Variants in TOGARAM2 observed in about 807,000 individuals in gnomAD.
The protein encoded by TOGARAM2 is TOG array regulator of axonemal microtubules 2, also known as TOG array regulator of axonemal microtubules protein 2.
TOGARAM2 carries 85 observed loss-of-function variants against 93.3 expected under a neutral mutation model. That is an observed-to-expected ratio of 0.91 (90% CI 0.76 to 1.09). The LOEUF (loss-of-function observed/expected upper bound fraction) is 1.09, where lower values mean the gene tolerates loss of function less well. Among genes scored for constraint, TOGARAM2 ranks in the 50% least tolerant of loss-of-function variants. The pLI is 0.00. For missense variants in TOGARAM2, 1,277 were observed against 1,334.5 expected (o/e 0.96, Z 0.67); for synonymous variants, 593 against 552.8 (o/e 1.07, Z -1.02).
At chr2:29,011,313 G>A (rs1236219607) in intron 6 of TOGARAM2, 142 bp from the exon 7 acceptor site, 9 of 662,164 alleles carry the variant, frequency 1.4e-5, no homozygotes, top group Non-Finnish European at 2.3e-5. Context: ...CCTGGGCCAA[G>A]AGCCTCTGCA....
chr2:29,033,987 G>A (rs765150877), intron 16 of TOGARAM2, among the ~76,000 whole-genome samples: 7 of 152,130 alleles, frequency 4.6e-5, no homozygotes, highest in South Asian at 4.1e-4. Context: ...CTGGGAGGAG[G>A]GGGTGTGGGG....
At chr2:28,968,935 GC>G (rs1671907697) in intron 1 of TOGARAM2, among the ~76,000 whole-genome samples, 1 of 151,706 alleles carries the variant, frequency 6.6e-6, no homozygotes, top group Non-Finnish European at 1.5e-5. Context: ...CATTGCCTCT[GC>G]TGTGATCGCT....
chr2:28,975,354 A>G (rs1331874868), intron 1 of TOGARAM2, among the ~76,000 whole-genome samples: 1 of 151,432 alleles, frequency 6.6e-6, no homozygotes, highest in African/African-American at 2.4e-5. Context: ...ACGCCCGGCT[A>G]TGTTTTTGTG....
chr2:28,968,930 C>A (rs1181751077), intron 1 of TOGARAM2, among the ~76,000 whole-genome samples: 4 of 151,798 alleles, frequency 2.6e-5, no homozygotes, highest in Non-Finnish European at 4.4e-5. Flanking sequence ...AGAGCCATTG[C>A]CTCTGCTGTG....
rs543434094 is a variant in TOGARAM2, at chr2:29,003,552, G to A, written c.700G>A (p.Ala234Thr). Residue 234 changes from alanine to threonine, a missense_variant, in exon 6 of 20, where the codon GCC (alanine) becomes ACC (threonine). Physicochemically the swap from Ala to Thr is moderately conservative, Grantham distance 58. Coordinates refer to ENST00000379558, the MANE Select transcript of TOGARAM2 (RefSeq NM_199280.4). ...TGAGAAGATGCAGAAGTCCCTGGGC[G>A]CCATCGTGATCCCACCCATCCCAAA... Reference protein sequence around the residue: ...NDEKMQKSLGAIVIPPIPKAR... With the variant: ...NDEKMQKSLGTIVIPPIPKAR... The A allele has an allele frequency of 1.9e-5, 31 of 1,593,262 alleles. No homozygotes were observed. The highest frequency in any genetic ancestry group is 3.4e-5 in the South Asian group (3 of 87,444).
intron 1 of TOGARAM2, among the ~76,000 whole-genome samples, chr2:28,973,925 A>C (rs1671990147): frequency 6.6e-6 from 1 of 152,058 alleles, no homozygotes; most frequent in Non-Finnish European, 1.5e-5. Context: ...ATTTTTGAAA[A>C]ATGTAGAATC....
intron 1 of TOGARAM2, among the ~76,000 whole-genome samples, chr2:28,983,179 T>TATATAA (rs1242920526): frequency 0.02 from 828 of 41,194 alleles, no homozygotes; most frequent in South Asian, 0.032. Flanking sequence ...TATATATAAA[T>TATATAA]ATATATATAT....
chr2:29,051,949 C>T lies in TOGARAM2; in HGVS notation c.2916C>T (p.Ala972=), dbSNP rs750704968. 4.4e-5 allele frequency: 71 copies of T among 1,608,336 alleles called. No individual in the cohort carries two copies. Among genetic ancestry groups the T allele is most frequent in the Admixed American group, 1.4e-4 (8 of 59,092 alleles). Residue 972 remains alanine (A), a synonymous_variant, in exon 20 of 20, where the codon GCC becomes GCT. Coordinates refer to ENST00000379558, the MANE Select transcript of TOGARAM2 (RefSeq NM_199280.4). ...TGGGCTCCCGCCTGCTGGACTTTGCCGCCAGCCAGCCAAAGCACGTCCTCA... is the reference window on the plus strand; with the variant it reads ...TGGGCTCCCGCCTGCTGGACTTTGCTGCCAGCCAGCCAAAGCACGTCCTCA... The part of the protein sequence containing the change: ...EHMGSRLLDF[A]ASQPKHVLKT...
intron 1 of TOGARAM2, among the ~76,000 whole-genome samples, chr2:28,982,792 T>A (rs4665439): frequency 0.17 from 25,943 of 152,022 alleles, 2,375 homozygotes; most frequent in South Asian, 0.24. Flanking sequence ...GTGTGAGGAA[T>A]AATTATAAAG....
rs1672187661 is a variant in TOGARAM2, at chr2:28,981,434, GCTGCCCCGTCCTTGCCTCC to G, written c.-211_-193del. 6.6e-6 allele frequency: 1 copy of G among 152,458 alleles called. No homozygotes were observed. The highest frequency in any genetic ancestry group is 6.5e-5 in the Admixed American group (1 of 15,290). The allele number at this position is 152,458 out of a possible 1,614,324, so 9.4% of individuals were successfully genotyped here. A position where few individuals can be genotyped will look rare whatever the true frequency, so the allele number is the denominator to read the frequency against. On this transcript the variant is annotated 5_prime_UTR_variant, in exon 1 of 20. Transcript: ENST00000379558. Reference sequence around the variant, plus strand: ...GGGGCCAGGGTGGGCCAGGCCTGGGGCTGCCCCGTCCTTGCCTCCCTGGGCCCATGAGCATCAACGTCTC... The same window carrying G: ...GGGGCCAGGGTGGGCCAGGCCTGGGGCTGGGCCCATGAGCATCAACGTCTC...
intron 1 of TOGARAM2, among the ~76,000 whole-genome samples, chr2:28,964,229 A>G (rs911415457): frequency 1.3e-5 from 2 of 152,118 alleles, no homozygotes; most frequent in Non-Finnish European, 2.9e-5. Flanking sequence ...ATGCTTTGTT[A>G]TGGTATATTC....
chr2:28,973,387 CTTT>C (rs376161046), intron 1 of TOGARAM2, among the ~76,000 whole-genome samples: 4 of 61,008 alleles, frequency 6.6e-5, no homozygotes, highest in African/African-American at 1.1e-4. Context: ...TTCCTTCCTT[CTTT>C]CCTCCCTTCC....
intron 14 of TOGARAM2, among the ~76,000 whole-genome samples, chr2:29,027,588 G>GTC (rs1250133194): frequency 7.3e-6 from 1 of 136,960 alleles, no homozygotes; most frequent in Non-Finnish European, 1.6e-5. Context: ...GTAAGATCCT[G>GTC]TCTCTACTTA....
intron 14 of TOGARAM2, among the ~76,000 whole-genome samples, chr2:29,031,293 CCAAA>C (rs1665754402): frequency 6.6e-6 from 1 of 152,172 alleles, no homozygotes; most frequent in South Asian, 2.1e-4. Flanking sequence ...ACTCAGCCTC[CCAAA>C]TAGCTGAGAC....
chr2:29,023,823 T>G (rs1399205012), intron 12 of TOGARAM2, among the ~76,000 whole-genome samples: 2 of 152,244 alleles, frequency 1.3e-5, no homozygotes, highest in Admixed American at 1.3e-4. Flanking sequence ...TCAGCACTAC[T>G]GTGCTTCTCA....
At chr2:28,958,042 G>C (rs1659212823) in intron 1 of TOGARAM2, among the ~76,000 whole-genome samples, 1 of 152,164 alleles carries the variant, frequency 6.6e-6, no homozygotes, top group Non-Finnish European at 1.5e-5. Flanking sequence ...TCTATTAAGA[G>C]CCAGGGATTT....
At chr2:28,965,310 C>T (rs1671852858) in intron 1 of TOGARAM2, among the ~76,000 whole-genome samples, 1 of 152,182 alleles carries the variant, frequency 6.6e-6, no homozygotes, top group South Asian at 2.1e-4. Context: ...TATTTCTTTT[C>T]TATTCGTCTC....
In TOGARAM2 at chr2:29,002,764, G is replaced by A. The variant is rs1405692691; in HGVS notation, c.639+17G>A. 2.5e-6 allele frequency: 4 copies of A among 1,608,268 alleles called. No individual in the cohort carries two copies. Among genetic ancestry groups the A allele is most frequent in the Non-Finnish European group, 3.4e-6 (4 of 1,176,898 alleles). On this transcript the variant is annotated intron_variant, in intron 5 of 19. Transcript: ENST00000379558. Reference sequence around the variant, plus strand: ...GCTCAGGAGGTAAGGTGGTTCGACTGCTGTGAGTCTGGTCCTCAGCTTCTT... The same window carrying A: ...GCTCAGGAGGTAAGGTGGTTCGACTACTGTGAGTCTGGTCCTCAGCTTCTT...
intron 9 of TOGARAM2, 132 bp from the exon 10 acceptor site, chr2:29,017,660 C>T: frequency 1.1e-6 from 1 of 877,824 alleles, no homozygotes; most frequent in Non-Finnish European, 1.7e-6. Flanking sequence ...ATCCTCCTAC[C>T]TCGGACTCCC....
Sources: gnomAD v4.1 joint callset for allele counts (sites outside exome capture counted in the v4.1 genomes callset) on GRCh38, gnomAD v4.1.1 for gene constraint, MANE v1.5 for transcripts, NCBI Gene and HGNC (gene_info 2026-07-23, HGNC 2026-07-21) for gene names.